THSD8: variants seen among roughly 807,000 people sequenced by gnomAD.
The protein encoded by THSD8 is thrombospondin type 1 domain containing 8, also known as thrombospondin type-1 domain-containing protein 8.
intron 1 of THSD8, 111 bp downstream of exon 1, chr19:12,802,330 C>T (rs1327380481): frequency 1.0e-5 from 4 of 397,112 alleles, no homozygotes; most frequent in Non-Finnish European, 1.8e-5. Context: ...CACCCAGCTC[C>T]GCACTGGAGG....
At chr19:12,803,045 G>A (rs1213292065) in intron 1 of THSD8, among the ~76,000 whole-genome samples, 7 of 152,016 alleles carry the variant, frequency 4.6e-5, no homozygotes, top group Non-Finnish European at 1.5e-5. Context: ...ACCAGCCTGG[G>A]CAACATGGAG....
intron 1 of THSD8, among the ~76,000 whole-genome samples, chr19:12,803,229 T>C (rs1429004078): frequency 6.6e-6 from 1 of 152,164 alleles, no homozygotes; most frequent in African/African-American, 2.4e-5. Context: ...CATTCCAACC[T>C]GGGTAACAGA....
intron 1 of THSD8, among the ~76,000 whole-genome samples, chr19:12,803,382 C>T (rs1968933323): frequency 6.6e-6 from 1 of 152,198 alleles, no homozygotes; most frequent in Non-Finnish European, 1.5e-5. Flanking sequence ...GACAACCCTG[C>T]TGTCAGGTGG....
At position 12,804,186 on chromosome 19, in the gene THSD8, A is replaced by G; in HGVS notation, c.231A>G (p.Val77=). 1 of 398,616 alleles carries G rather than the reference A, an allele frequency of 2.5e-6. No homozygotes were observed. Among genetic ancestry groups the G allele is most frequent in the East Asian group, 3.6e-5 (1 of 28,060 alleles). The allele number at this position is 398,616 out of a possible 1,614,324, so 24.7% of individuals were successfully genotyped here. A position where few individuals can be genotyped will look rare whatever the true frequency, so the allele number is the denominator to read the frequency against. The change falls in exon 2 of 2, where the codon GTA becomes GTG. Residue 77 remains valine, a synonymous_variant. Transcript: ENST00000639810. The part of the protein sequence containing the change: ...DLGKQERSRE[V]VGTAPGPVFM... ...GCAAGCAGGAGCGCAGCCGCGAGGT[A>G]GTGGGCACAGCGCCGGGCCCGGTTT...
chr19:12,803,642 G>A (rs879143192), intron 1 of THSD8, among the ~76,000 whole-genome samples: 2 of 152,038 alleles, frequency 1.3e-5, no homozygotes, highest in South Asian at 4.1e-4. Flanking sequence ...CATGGTGGCT[G>A]GCTCACACCT....
In THSD8 at chr19:12,802,141, G is replaced by C; in HGVS notation, c.70G>C (p.Val24Leu). The change falls in exon 1 of 2, where the codon GTC becomes CTC. Residue 24 changes from valine to leucine, a missense_variant. Transcript: ENST00000639810. ...LLLQLATPALVYQDYQYLGQQ... is the reference protein window; with the variant it reads ...LLLQLATPALLYQDYQYLGQQ... ...CCTGCAGCTGGCGACCCCTGCCCTG[G>C]TCTACCAGGACTATCAGTACTTAGG... is the stretch of plus-strand genomic sequence containing the variant. 3 of 398,720 alleles carry C rather than the reference G, an allele frequency of 7.5e-6. No homozygotes were observed. In the East Asian group the frequency reaches 1.1e-4, roughly 14 times the overall value. 24.7% of individuals were successfully genotyped at this position (398,720 alleles called of 1,614,324 possible). A position where few individuals can be genotyped will look rare whatever the true frequency, so the allele number is the denominator to read the frequency against.
chr19:12,802,575 G>A (rs371968011), intron 1 of THSD8, among the ~76,000 whole-genome samples: 2 of 152,122 alleles, frequency 1.3e-5, no homozygotes, highest in Non-Finnish European at 2.9e-5. Flanking sequence ...CAGCGAGAAC[G>A]ACAAGCGAAA....
At chr19:12,803,937 A>AAAAAAAT (rs1568385528) in intron 1 of THSD8, among the ~76,000 whole-genome samples, 167 bp from the exon 2 acceptor site, 1 of 150,210 alleles carries the variant, frequency 6.7e-6, no homozygotes, top group African/African-American at 2.4e-5. Context: ...AAAAAAAAAA[A>AAAAAAAT]AGCTTAAATG....
chr19:12,803,006 G>A (rs1339824284), intron 1 of THSD8, among the ~76,000 whole-genome samples: 1 of 152,032 alleles, frequency 6.6e-6, no homozygotes, highest in Admixed American at 6.6e-5. Context: ...GGCCGAGGCG[G>A]GAGGACTGCT....
At chr19:12,802,858 A>G (rs868776656) in intron 1 of THSD8, among the ~76,000 whole-genome samples, 1 of 152,062 alleles carries the variant, frequency 6.6e-6, no homozygotes, top group Admixed American at 6.6e-5. Context: ...CACGCCTATA[A>G]TCCTAGCACT....
chr19:12,803,347 A>G (rs1211831691), intron 1 of THSD8, among the ~76,000 whole-genome samples: 2 of 152,188 alleles, frequency 1.3e-5, no homozygotes, highest in African/African-American at 4.8e-5. Context: ...TACCTTCATT[A>G]TGTCAATTAT....
intron 1 of THSD8, among the ~76,000 whole-genome samples, chr19:12,803,224 C>T (rs1436169924): frequency 6.6e-6 from 1 of 152,124 alleles, no homozygotes; most frequent in Non-Finnish European, 1.5e-5. Context: ...CCTTGCATTC[C>T]AACCTGGGTA....
In THSD8 at chr19:12,802,076, C is replaced by T. The variant is rs1473832547; in HGVS notation, c.5C>T (p.Ala2Val). 7.5e-6 allele frequency: 3 copies of T among 398,454 alleles called. No homozygotes were observed. Among genetic ancestry groups the T allele is most frequent in the Non-Finnish European group, 1.3e-5 (3 of 226,022 alleles). The allele number at this position is 398,454 out of a possible 1,614,324, so 24.7% of individuals were successfully genotyped here. ...TGGGGGCCGTTGGAGTCCAGCATGGCGCGGACCCCGGGGGCGCTGCTGCTG... is the reference window on the plus strand; with the variant it reads ...TGGGGGCCGTTGGAGTCCAGCATGGTGCGGACCCCGGGGGCGCTGCTGCTG... M[A>V]RTPGALLLAP... The change falls in exon 1 of 2, where the codon GCG (alanine) becomes GTG (valine). Residue 2 changes from alanine to valine, a missense_variant. By Grantham distance (64) the Ala-to-Val change is moderately conservative. Transcript: ENST00000639810.
chr19:12,804,074 T>C (rs1968945038), intron 1 of THSD8, 30 bp from the exon 2 acceptor site: 1 of 398,566 alleles, frequency 2.5e-6, no homozygotes, highest in African/African-American at 2.1e-5. Flanking sequence ...CCCCTCCACG[T>C]AGGTCTTCAC....
intron 1 of THSD8, among the ~76,000 whole-genome samples, chr19:12,803,476 G>C (rs1455162887): frequency 1.3e-5 from 2 of 152,122 alleles, no homozygotes; most frequent in Non-Finnish European, 2.9e-5. Flanking sequence ...GATGTTGTAG[G>C]ACACTCACAA....
Position 12,802,078 on chromosome 19 carries a change from C to G in THSD8, c.7C>G (p.Arg3Gly), listed in dbSNP as rs532888342. Residue 3 changes from arginine (R) to glycine (G), a missense_variant, in exon 1 of 2, where the codon CGG (arginine) becomes GGG (glycine). By Grantham distance (125) the Arg-to-Gly change is moderately radical (BLOSUM62 -2). Coordinates refer to ENST00000639810, the MANE Select transcript of THSD8 (RefSeq NM_001386800.1). MA[R>G]TPGALLLAPL... ...GGGGCCGTTGGAGTCCAGCATGGCG[C>G]GGACCCCGGGGGCGCTGCTGCTGGC... 5.0e-6 allele frequency: 2 copies of G among 398,588 alleles called. No homozygotes were observed. Among genetic ancestry groups the G allele is most frequent in the East Asian group, 3.6e-5 (1 of 28,074 alleles). The allele number at this position is 398,588 out of a possible 1,614,324, so 24.7% of individuals were successfully genotyped here. A position where few individuals can be genotyped will look rare whatever the true frequency, so the allele number is the denominator to read the frequency against.
At chr19:12,803,930 AAAAAAAAAG>A in intron 1 of THSD8, among the ~76,000 whole-genome samples, 165 bp from the exon 2 acceptor site, 1 of 149,930 alleles carries the variant, frequency 6.7e-6, no homozygotes, top group African/African-American at 2.5e-5. Context: ...AAAAAAAAAA[AAAAAAAAAG>A]CTTAAATGAG....
In THSD8 at chr19:12,804,288, C is replaced by T. The variant is rs367546577; in HGVS notation, c.333C>T (p.Cys111=). The change falls in exon 2 of 2, where the codon TGC becomes TGT. Residue 111 remains cysteine, a synonymous_variant. Coordinates refer to ENST00000639810, the MANE Select transcript of THSD8 (RefSeq NM_001386800.1). ...GTCCATCCTGCAAGCCCTTCGACTG[C>T]GACTGGAGGCTCTGAGCCCGGGTGA... The part of the protein sequence containing the change: ...RDCPSCKPFD[C]DWRL 2 of 398,456 alleles carry T rather than the reference C, an allele frequency of 5.0e-6. No homozygotes were observed. The highest frequency in any genetic ancestry group is 4.1e-5 in the African/African-American group (2 of 48,602). The allele number at this position is 398,456 out of a possible 1,614,324, so 24.7% of individuals were successfully genotyped here.
intron 1 of THSD8, among the ~76,000 whole-genome samples, 173 bp downstream of exon 1, chr19:12,802,392 T>C (rs1968919919): frequency 6.6e-6 from 1 of 152,192 alleles, no homozygotes; most frequent in South Asian, 2.1e-4. Flanking sequence ...CTCTTGGATA[T>C]ATTGAAATAG....
Sources: gnomAD v4.1 joint callset for allele counts (sites outside exome capture counted in the v4.1 genomes callset) on GRCh38, gnomAD v4.1.1 for gene constraint, MANE v1.5 for transcripts, NCBI Gene and HGNC (gene_info 2026-07-23, HGNC 2026-07-21) for gene names.